TMC2: variants seen among roughly 807,000 people sequenced by gnomAD.
The protein encoded by TMC2 is transmembrane channel-like protein 2.
Under a neutral mutation model 105.9 loss-of-function variants are expected in TMC2, and 102 were observed. The ratio of observed to expected loss-of-function variants is 0.96; its 90% CI spans 0.82 to 1.14. The LOEUF is 1.14. Ranked by LOEUF, TMC2 falls within the 50% of genes most tolerant of loss-of-function variation. The pLI, the probability that TMC2 is intolerant of heterozygous loss-of-function variation, is 0.00. For synonymous variants in TMC2, 402 were observed against 422.8 expected, an observed-to-expected ratio of 0.95 and a Z score of 0.60; for missense variants, 1,093 against 1,134.3, an observed-to-expected ratio of 0.96 and a Z score of 0.52.
intron 2 of TMC2, among the ~76,000 whole-genome samples, chr20:2,542,904 A>G (rs1423747436): frequency 7.0e-6 from 1 of 143,502 alleles, no homozygotes; most frequent in East Asian, 2.1e-4. Flanking sequence ...ATATTTAGTA[A>G]TATACTTAGT....
chr20:2,560,818 C>A (rs1437758164), intron 3 of TMC2, among the ~76,000 whole-genome samples: 1 of 137,586 alleles, frequency 7.3e-6, no homozygotes, highest in African/African-American at 2.8e-5. Flanking sequence ...GCCTGGGCCA[C>A]AGAGCAAGAC....
intron 7 of TMC2, among the ~76,000 whole-genome samples, chr20:2,591,654 G>T (rs1390313887): frequency 2.0e-5 from 3 of 152,014 alleles, no homozygotes; most frequent in Non-Finnish European, 4.4e-5. Context: ...ATTGCAATGA[G>T]CCGAGATGGA....
intron 2 of TMC2, among the ~76,000 whole-genome samples, chr20:2,538,257 G>C (rs1298628718): frequency 6.6e-6 from 1 of 152,112 alleles, no homozygotes; most frequent in Non-Finnish European, 1.5e-5. Context: ...GGAAGAGCTG[G>C]GCAGAGGCTG....
chr20:2,627,252 C>G (rs1369191403), intron 17 of TMC2, among the ~76,000 whole-genome samples: 1 of 152,180 alleles, frequency 6.6e-6, no homozygotes, highest in African/African-American at 2.4e-5. Flanking sequence ...GGGCTTAAAA[C>G]CCATTCTCTC....
Position 2,616,981 on chromosome 20 carries a change from C to T in TMC2, c.1941-91C>T, listed in dbSNP as rs1406268558. 6.6e-7 allele frequency: 1 copy of T among 1,511,182 alleles called. No individual in the cohort carries two copies. The highest frequency in any genetic ancestry group is 2.3e-5 in the East Asian group (1 of 44,204). The allele number at this position is 1,511,182 out of a possible 1,614,324, so 93.6% of individuals were successfully genotyped here. A position where few individuals can be genotyped will look rare whatever the true frequency, so the allele number is the denominator to read the frequency against. On this transcript the variant is annotated intron_variant, in intron 15 of 19. Transcript: ENST00000358864. This position sits in a 1 kb window ranked among gnomAD's most constrained non-coding sequence, Gnocchi z 4.8. ...CCAGGAAAGCAGCTCGGCCTCATGCCCCTAACCCATCCGTCCCATTTCCTT... is the reference window on the plus strand; with the variant it reads ...CCAGGAAAGCAGCTCGGCCTCATGCTCCTAACCCATCCGTCCCATTTCCTT...
intron 17 of TMC2, among the ~76,000 whole-genome samples, chr20:2,629,686 T>C (rs1436191259): frequency 6.6e-6 from 1 of 152,212 alleles, no homozygotes; most frequent in Non-Finnish European, 1.5e-5. Flanking sequence ...AGAATATGGA[T>C]AGATTTCAGC....
chr20:2,560,359 C>G (rs1432978172), intron 3 of TMC2, among the ~76,000 whole-genome samples: 4 of 152,128 alleles, frequency 2.6e-5, no homozygotes, highest in Non-Finnish European at 5.9e-5. Flanking sequence ...TAATCAGAAG[C>G]TAAAACACCC....
intron 4 of TMC2, among the ~76,000 whole-genome samples, chr20:2,566,176 C>T (rs2086063064): frequency 6.6e-6 from 1 of 152,222 alleles, no homozygotes; most frequent in African/African-American, 2.4e-5. Flanking sequence ...ACTTCCTTCC[C>T]TTAACCTCTC....
chr20:2,637,441 G>T, intron 18 of TMC2, 33 bp from the exon 19 acceptor site: 1 of 1,459,794 alleles, frequency 6.9e-7, no homozygotes, highest in Non-Finnish European at 9.6e-7. Flanking sequence ...CCCATTTCCT[G>T]GGCCAGGACC....
intron 14 of TMC2, among the ~76,000 whole-genome samples, chr20:2,614,571 G>A (rs904950111): frequency 1.3e-5 from 2 of 152,022 alleles, no homozygotes; most frequent in African/African-American, 4.8e-5. Context: ...ACATAGTGAG[G>A]CCCTGTCTCA....
intron 7 of TMC2, among the ~76,000 whole-genome samples, chr20:2,581,173 C>T (rs1333161414): frequency 6.6e-6 from 1 of 152,192 alleles, no homozygotes; most frequent in African/African-American, 2.4e-5. Context: ...TGCACAGCCA[C>T]TTTCAGGACA....
chr20:2,549,073 T>G (rs1054680345), intron 2 of TMC2, among the ~76,000 whole-genome samples: 4 of 152,148 alleles, frequency 2.6e-5, no homozygotes, highest in Non-Finnish European at 5.9e-5. Context: ...GTTTTTTGGT[T>G]TTTTGGTTTT....
At chr20:2,551,303 A>G (rs1010966398) in intron 2 of TMC2, among the ~76,000 whole-genome samples, 1 of 150,558 alleles carries the variant, frequency 6.6e-6, no homozygotes, top group African/African-American at 2.4e-5. Flanking sequence ...CCATTTTTTA[A>G]TTGTTTGTTT....
intron 4 of TMC2, among the ~76,000 whole-genome samples, chr20:2,562,278 C>T (rs1172984736): frequency 6.6e-6 from 1 of 152,260 alleles, no homozygotes; most frequent in East Asian, 1.9e-4. Flanking sequence ...TTATCCCATG[C>T]CACACTTCAT....
rs977788833 is a variant in TMC2 at position 2,642,832 on chromosome 20, T to A, written c.*1481T>A. On this transcript the variant is annotated 3_prime_UTR_variant, in exon 20 of 20. Transcript: ENST00000358864. ...CTCTCACCCATGTCTCTGAGTGTTC[T>A]AAAGAGAGTCAGCCACCTTAACCTC... Among the ~76,000 whole-genome samples the A allele has an allele frequency of 6.6e-6, 1 of 152,056 alleles. No homozygotes were observed. Among genetic ancestry groups the A allele is most frequent in the African/African-American group, 2.4e-5 (1 of 41,362 alleles).
chr20:2,557,148 A>G (rs754843777), intron 2 of TMC2, among the ~76,000 whole-genome samples: 1 of 152,126 alleles, frequency 6.6e-6, no homozygotes, highest in Non-Finnish European at 1.5e-5. Context: ...AATTCTTAGC[A>G]ATTATTAATT....
intron 17 of TMC2, among the ~76,000 whole-genome samples, chr20:2,625,927 T>A (rs1343182974): frequency 6.6e-6 from 1 of 152,244 alleles, no homozygotes; most frequent in Non-Finnish European, 1.5e-5. Flanking sequence ...TAATTACTTT[T>A]AAAATCCCAG....
rs2085946609 is a variant in TMC2, at chr20:2,549,875, A to G, written c.83-8581A>G. On this transcript the variant is annotated intron_variant, in intron 2 of 19. Transcript: ENST00000358864. ...TTAGAGCAGTTTTAGGATTGGAGAA[A>G]AATTTTGCCGAAATTACAGAGTTTT... is the stretch of plus-strand genomic sequence containing the variant. 2.0e-5 allele frequency among the ~76,000 whole-genome samples: 3 copies of G among 152,022 alleles called. No individual in the cohort carries two copies. In the South Asian group the frequency reaches 6.2e-4, roughly 31 times the overall value.
At chr20:2,538,212 T>C (rs1203933464) in intron 2 of TMC2, among the ~76,000 whole-genome samples, 1 of 152,036 alleles carries the variant, frequency 6.6e-6, no homozygotes, top group Non-Finnish European at 1.5e-5. Context: ...GAGGCCGCTG[T>C]GTTACAAGGG....
Sources: allele counts gnomAD v4.1 joint callset (sites outside exome capture counted in the v4.1 genomes callset), GRCh38; gene constraint gnomAD v4.1.1; non-coding constraint Gnocchi (gnomAD v3.1); transcripts MANE v1.5; gene names NCBI Gene and HGNC (gene_info 2026-07-23, HGNC 2026-07-21).